The following GPHN variants were observed in gnomAD, a reference collection of about 807,000 sequenced individuals.
GPHN encodes gephyrin.
A neutral mutation model predicts 95.5 loss-of-function variants in GPHN; 17 were observed. That is an observed-to-expected ratio of 0.18 (90% CI 0.12 to 0.27). The LOEUF is 0.27. Among genes scored for constraint, GPHN ranks in the 10% least tolerant of loss-of-function variants. GPHN has a pLI of 1.00. For synonymous variants in GPHN, 320 were observed against 322.5 expected (o/e 0.99, Z 0.08); for missense variants, 660 against 978.1 (o/e 0.67, Z 4.34).
the GPHN span, chr14:67,515,037 C>T: frequency 6.6e-6 from 1 of 152,472 alleles, no homozygotes; most frequent in African/African-American, 2.4e-5. Context: ...CTCGCGGCCA[C>T]CTCTCTGGGC....
chr14:67,285,470 C>A, the GPHN span, among the ~76,000 whole-genome samples: 3 of 151,704 alleles, frequency 2.0e-5, no homozygotes, highest in Admixed American at 1.3e-4. Context: ...AGGTTCACAC[C>A]ATTCTCCTGC....
chr14:67,261,831 T>C, the GPHN span, among the ~76,000 whole-genome samples: 2 of 152,084 alleles, frequency 1.3e-5, no homozygotes, highest in African/African-American at 4.8e-5. Flanking sequence ...AAAATAAACT[T>C]GTAGTCTGTT....
At chr14:67,577,790 T>A in the GPHN span, among the ~76,000 whole-genome samples, 1 of 152,210 alleles carries the variant, frequency 6.6e-6, no homozygotes, top group Non-Finnish European at 1.5e-5. Flanking sequence ...AAGGAATTTG[T>A]CTTGTTTATG....
intron 2 of GPHN, among the ~76,000 whole-genome samples, chr14:66,687,486 G>GTTT (rs1200775448): frequency 3.3e-4 from 41 of 124,936 alleles, no homozygotes; most frequent in South Asian, 5.1e-4. Context: ...ATTTTATTTG[G>GTTT]TTTTTTTTTT....
At chr14:67,607,726 C>T in the GPHN span, among the ~76,000 whole-genome samples, 3 of 152,132 alleles carry the variant, frequency 2.0e-5, no homozygotes, top group Admixed American at 6.5e-5. Context: ...GAGTTGAGCA[C>T]TCTTGGGAGG....
intron 19 of GPHN, among the ~76,000 whole-genome samples, chr14:67,164,009 C>T (rs1200332260): frequency 6.6e-6 from 1 of 151,880 alleles, no homozygotes; most frequent in African/African-American, 2.4e-5. Flanking sequence ...TGGCTTACAC[C>T]TGTAATCCCA....
intron 13 of GPHN, among the ~76,000 whole-genome samples, chr14:67,108,670 T>C (rs1353696276): frequency 6.6e-6 from 1 of 151,760 alleles, no homozygotes; most frequent in African/African-American, 2.4e-5. Context: ...TGATTGTACT[T>C]TCAGTAGTAA....
chr14:67,122,480 C>G lies in GPHN; in HGVS notation c.1748+103C>G, dbSNP rs943910398. The G allele has an allele frequency of 8.2e-6, 8 of 971,620 alleles. No individual in the cohort carries two copies. The Middle Eastern group carries it at 1.1e-3, about 129-fold the overall frequency. The allele number at this position is 971,620 out of a possible 1,614,324, so 60.2% of individuals were successfully genotyped here. A position where few individuals can be genotyped will look rare whatever the true frequency, so the allele number is the denominator to read the frequency against. On this transcript the variant is annotated intron_variant, in intron 17 of 22. Coordinates refer to ENST00000478722, the MANE Select transcript of GPHN (RefSeq NM_020806.5). ...TGCTAAAGAGACAGAAATTTAATGT[C>G]ATAATTTTCACTTATCTCATTCTTC...
At chr14:67,368,734 T>TTAAAA in the GPHN span, among the ~76,000 whole-genome samples, 78,895 of 151,568 alleles carry the variant, frequency 0.52, 23,640 homozygotes, top group African/African-American at 0.83. Context: ...AGAACAACCA[T>TTAAAA]TAAATAAGCC....
At chr14:67,591,764 C>G in the GPHN span, 1 of 151,392 alleles carries the variant, frequency 6.6e-6, no homozygotes, top group African/African-American at 2.4e-5. Flanking sequence ...AACTCCTGAG[C>G]TCAAGTGATC....
At chr14:66,647,475 A>C (rs1208109788) in intron 1 of GPHN, among the ~76,000 whole-genome samples, 3 of 151,926 alleles carry the variant, frequency 2.0e-5, no homozygotes, top group Non-Finnish European at 4.4e-5. Flanking sequence ...AAAATACAGT[A>C]GTCCCTCCTT....
intron 4 of GPHN, among the ~76,000 whole-genome samples, chr14:66,840,420 T>G (rs1232446985): frequency 6.6e-6 from 1 of 152,176 alleles, no homozygotes; most frequent in Non-Finnish European, 1.5e-5. Flanking sequence ...TTTTAGTTAT[T>G]GCTCTTTGCC....
At chr14:67,130,949 A>G (rs1168474449) in intron 17 of GPHN, among the ~76,000 whole-genome samples, 2 of 151,890 alleles carry the variant, frequency 1.3e-5, no homozygotes, top group African/African-American at 4.8e-5. Context: ...TTTTTTGCCC[A>G]TTTTCTAAGG....
the GPHN span, among the ~76,000 whole-genome samples, chr14:67,191,399 A>G: frequency 6.6e-6 from 1 of 152,214 alleles, no homozygotes; most frequent in Non-Finnish European, 1.5e-5. Context: ...GTCAACAGGA[A>G]ACATTTGTAG....
At chr14:67,547,482 C>T in the GPHN span, among the ~76,000 whole-genome samples, 192 of 152,274 alleles carry the variant, frequency 1.3e-3, no homozygotes, top group Non-Finnish European at 1.9e-3. Context: ...CCTGCTGGGG[C>T]CAAGAATCAT....
the GPHN span, among the ~76,000 whole-genome samples, chr14:67,423,629 A>T: frequency 2.0e-5 from 3 of 152,214 alleles, no homozygotes; most frequent in Non-Finnish European, 2.9e-5. Flanking sequence ...GGGTTGCGGC[A>T]AACCTTGGCA....
intron 1 of GPHN, among the ~76,000 whole-genome samples, chr14:66,543,599 A>G (rs2059428824): frequency 3.3e-5 from 5 of 152,152 alleles, no homozygotes; most frequent in African/African-American, 1.2e-4. Context: ...GACTTAATTA[A>G]TATATTCCAA....
the GPHN span, among the ~76,000 whole-genome samples, chr14:67,713,424 A>AAT: frequency 1.7e-5 from 2 of 120,540 alleles, no homozygotes; most frequent in Non-Finnish European, 3.5e-5. Context: ...AAAAAAAAAA[A>AAT]GAGGGGATGT....
At chr14:66,518,218 C>CA (rs576328230) in intron 1 of GPHN, among the ~76,000 whole-genome samples, 69 of 151,510 alleles carry the variant, frequency 4.6e-4, no homozygotes, top group African/African-American at 1.5e-3. Context: ...TACAAATGGC[C>CA]AAAAAATACA....
Sources: allele counts gnomAD v4.1 joint callset (sites outside exome capture counted in the v4.1 genomes callset), GRCh38; gene constraint gnomAD v4.1.1; transcripts MANE v1.5; gene names NCBI Gene and HGNC (gene_info 2026-07-23, HGNC 2026-07-21).